Variants in RIN2 observed in about 807,000 individuals in gnomAD.
RIN2 encodes RAB5 interacting protein 2.
Under a neutral mutation model 78.0 loss-of-function variants are expected in RIN2, and 36 were observed. That is an observed-to-expected ratio of 0.46 (90% confidence interval 0.35 to 0.61). The LOEUF is 0.61. Ranked by LOEUF, RIN2 falls within the 20% of genes least tolerant of loss-of-function variation. RIN2 has a pLI of 0.00. For missense variants in RIN2, 1,087 were observed against 1,159.7 expected, an observed-to-expected ratio of 0.94 and a Z score of 0.91; for synonymous variants, 466 against 466.8, an observed-to-expected ratio of 1.00 and a Z score of 0.02.
chr20:19,912,475 C>CTTTTTTTTTTTTTTTTTT (rs545323465), intron 3 of RIN2, among the ~76,000 whole-genome samples: 1 of 110,932 alleles, frequency 9.0e-6, no homozygotes, highest in Non-Finnish European at 1.7e-5. Flanking sequence ...TTTTCTTTTT[C>CTTTTTTTTTTTTTTTTTT]TTTTTTTTTT....
intron 4 of RIN2, among the ~76,000 whole-genome samples, chr20:19,943,459 A>G (rs1201764505): frequency 6.6e-6 from 1 of 152,202 alleles, no homozygotes; most frequent in East Asian, 1.9e-4. Context: ...ATGCTCTTAC[A>G]AATCTTTTTT....
intron 2 of RIN2, among the ~76,000 whole-genome samples, chr20:19,833,931 C>A (rs68119465): frequency 6.6e-6 from 1 of 152,152 alleles, no homozygotes; most frequent in African/African-American, 2.4e-5. Context: ...TCCCCTGCCC[C>A]CTCCTGCTTG....
At chr20:19,923,494 T>C (rs1158809803) in intron 3 of RIN2, among the ~76,000 whole-genome samples, 1 of 135,106 alleles carries the variant, frequency 7.4e-6, no homozygotes, top group Non-Finnish European at 1.6e-5. Flanking sequence ...AAAATAAATA[T>C]TGGCTGAGAG....
chr20:19,767,008 TCTCCTTCAC>T (rs2033915341), intron 1 of RIN2, among the ~76,000 whole-genome samples: 1 of 151,944 alleles, frequency 6.6e-6, no homozygotes, highest in South Asian at 2.1e-4. Flanking sequence ...AGGGAAAAGT[TCTCCTTCAC>T]CTGCTGAAGG....
intron 2 of RIN2, among the ~76,000 whole-genome samples, chr20:19,859,265 C>T (rs2037260164): frequency 6.6e-6 from 1 of 152,190 alleles, no homozygotes; most frequent in Non-Finnish European, 1.5e-5. Flanking sequence ...TGGGCGTCCA[C>T]CCTCAGGCAC....
chr20:19,952,843 G>C (rs6106163), intron 4 of RIN2, among the ~76,000 whole-genome samples: 8,432 of 152,144 alleles, frequency 0.055, 482 homozygotes, highest in East Asian at 0.29. Flanking sequence ...TCCCGCGCCC[G>C]CAGCCCCTAG....
chr20:19,865,789 A>G (rs2037488080), intron 2 of RIN2, among the ~76,000 whole-genome samples: 1 of 152,006 alleles, frequency 6.6e-6, no homozygotes, highest in Non-Finnish European at 1.5e-5. Context: ...ACCATGCCTG[A>G]CCAAAAGTTA....
intron 1 of RIN2, among the ~76,000 whole-genome samples, chr20:19,793,605 CAA>C (rs1255331599): frequency 1.3e-5 from 2 of 152,174 alleles, no homozygotes; most frequent in African/African-American, 4.8e-5. Flanking sequence ...AATGAAAACT[CAA>C]AGGGTTTTGG....
intron 4 of RIN2, among the ~76,000 whole-genome samples, chr20:19,943,975 C>CT (rs58524523): frequency 0.055 from 5,286 of 95,886 alleles, 464 homozygotes; most frequent in East Asian, 0.085. Context: ...TTTCAATATC[C>CT]TTTTTTTTTT....
intron 3 of RIN2, among the ~76,000 whole-genome samples, chr20:19,905,976 G>A (rs1435138507): frequency 2.0e-5 from 3 of 151,542 alleles, no homozygotes; most frequent in Non-Finnish European, 4.4e-5. Context: ...CTTGAGTGTA[G>A]GTAGCAGTAT....
intron 1 of RIN2, among the ~76,000 whole-genome samples, chr20:19,797,635 A>G (rs2035099613): frequency 6.6e-6 from 1 of 152,172 alleles, no homozygotes; most frequent in Non-Finnish European, 1.5e-5. Context: ...CTTAATGTTT[A>G]TTGGGATGAT....
chr20:19,877,894 C>T (rs751974616), intron 2 of RIN2, among the ~76,000 whole-genome samples: 1 of 152,160 alleles, frequency 6.6e-6, no homozygotes, highest in Non-Finnish European at 1.5e-5. Context: ...GTGGTGCACA[C>T]CTGTAGTCCC....
At chr20:19,846,834 A>G (rs2036799717) in intron 2 of RIN2, among the ~76,000 whole-genome samples, 2 of 152,310 alleles carry the variant, frequency 1.3e-5, no homozygotes, top group South Asian at 4.1e-4. Flanking sequence ...TTGCCCATTC[A>G]GTATGATATT....
chr20:19,996,049 T>C (rs1049048311), intron 11 of RIN2, among the ~76,000 whole-genome samples: 2 of 152,124 alleles, frequency 1.3e-5, no homozygotes, highest in African/African-American at 4.8e-5. Flanking sequence ...GGCATGGTGG[T>C]CATGCCTGTA....
At chr20:19,869,465 C>A (rs1357984204) in intron 2 of RIN2, among the ~76,000 whole-genome samples, 1 of 152,200 alleles carries the variant, frequency 6.6e-6, no homozygotes, top group Non-Finnish European at 1.5e-5. Context: ...AAGGGCCAAA[C>A]CAAGAGATAG....
chr20:19,873,432 C>T (rs1310755974), intron 2 of RIN2, among the ~76,000 whole-genome samples: 1 of 152,160 alleles, frequency 6.6e-6, no homozygotes, highest in Non-Finnish European at 1.5e-5. Context: ...AACCATGTAA[C>T]ACACTTTTTC....
At chr20:19,805,532 G>A (rs1415981789) in intron 2 of RIN2, among the ~76,000 whole-genome samples, 1 of 152,092 alleles carries the variant, frequency 6.6e-6, no homozygotes, top group African/African-American at 2.4e-5. Flanking sequence ...CTCCCAGGTA[G>A]CTGGGATTAC....
At chr20:19,974,483 C>T (rs562673747) in intron 8 of RIN2, among the ~76,000 whole-genome samples, 171 bp from the exon 9 acceptor site, 2 of 152,316 alleles carry the variant, frequency 1.3e-5, no homozygotes, top group African/African-American at 4.8e-5. Flanking sequence ...CTGGGCCTGG[C>T]AGCCTTTCTG....
intron 1 of RIN2, among the ~76,000 whole-genome samples, chr20:19,788,438 A>AAAAAAAAAAACAAAAACAAAC (rs1555818710): frequency 1.6e-4 from 22 of 140,358 alleles, no homozygotes; most frequent in African/African-American, 5.6e-4. Context: ...CTGCCAAAAA[A>AAAAAAAAAAACAAAAACAAAC]AAAAAAAAAA....
Sources: gnomAD v4.1 joint callset for allele counts (sites outside exome capture counted in the v4.1 genomes callset) on GRCh38, gnomAD v4.1.1 for gene constraint, MANE v1.5 for transcripts, NCBI Gene and HGNC (gene_info 2026-07-23, HGNC 2026-07-21) for gene names.